The following LRRC7 variants were observed in gnomAD, a reference collection of about 807,000 sequenced individuals.
LRRC7 encodes leucine-rich repeat-containing protein 7.
A neutral mutation model predicts 175.7 loss-of-function variants in LRRC7; 23 were observed. The ratio of observed to expected loss-of-function variants is 0.13; its 90% CI spans 0.09 to 0.19. The LOEUF is 0.19. Ranked by LOEUF, LRRC7 falls within the 10% of genes least tolerant of loss-of-function variation. The pLI is 1.00. For missense variants in LRRC7, 1,354 were observed against 1,904.7 expected (o/e 0.71, Z 5.38); for synonymous variants, 685 against 680.9 (o/e 1.01, Z -0.09).
At chr1:70,090,747 G>T (rs1378933933) in intron 25 of LRRC7, among the ~76,000 whole-genome samples, 1 of 151,938 alleles carries the variant, frequency 6.6e-6, no homozygotes, top group South Asian at 2.1e-4. Context: ...GTCACAACCT[G>T]GTCCATATCC....
At chr1:70,005,633 C>G (rs976006748) in intron 11 of LRRC7, among the ~76,000 whole-genome samples, 1 of 152,158 alleles carries the variant, frequency 6.6e-6, no homozygotes, top group African/African-American at 2.4e-5. Context: ...CTAAACACAA[C>G]TATTGTAATA....
chr1:69,965,808 AAGTAGGGT>A (rs1651609148), intron 8 of LRRC7, among the ~76,000 whole-genome samples: 2 of 152,170 alleles, frequency 1.3e-5, no homozygotes, highest in Non-Finnish European at 2.9e-5. Context: ...GAGAATGTAC[AAGTAGGGT>A]TGTCATCAAA....
At chr1:69,682,323 C>T (rs1286965364) in intron 2 of LRRC7, among the ~76,000 whole-genome samples, 1 of 151,934 alleles carries the variant, frequency 6.6e-6, no homozygotes, top group Non-Finnish European at 1.5e-5. Context: ...ATTTTATTGT[C>T]CAGAAGAAAG....
At chr1:69,998,086 G>A (rs922021070) in intron 11 of LRRC7, among the ~76,000 whole-genome samples, 2 of 152,020 alleles carry the variant, frequency 1.3e-5, no homozygotes, top group African/African-American at 2.4e-5. Context: ...AATTCTTACT[G>A]TAACAAATTT....
At chr1:69,658,155 T>G (rs1253816949) in intron 1 of LRRC7, among the ~76,000 whole-genome samples, 1 of 151,934 alleles carries the variant, frequency 6.6e-6, no homozygotes, top group African/African-American at 2.4e-5. Context: ...ATGTGAATCC[T>G]ATCTTTGCTA....
intron 8 of LRRC7, among the ~76,000 whole-genome samples, chr1:69,938,062 T>G (rs556543907): frequency 6.6e-6 from 1 of 151,908 alleles, no homozygotes; most frequent in African/African-American, 2.4e-5. Flanking sequence ...AACAAAACAT[T>G]GAAATGATAG....
At chr1:70,110,210 T>C (rs1571349235) in intron 26 of LRRC7, among the ~76,000 whole-genome samples, 1 of 151,920 alleles carries the variant, frequency 6.6e-6, no homozygotes, top group Non-Finnish European at 1.5e-5. Flanking sequence ...TGAGACTTGG[T>C]CTCTACAGAA....
At chr1:69,695,623 C>A (rs1012261158) in intron 2 of LRRC7, among the ~76,000 whole-genome samples, 2 of 152,180 alleles carry the variant, frequency 1.3e-5, no homozygotes, top group Non-Finnish European at 2.9e-5. Context: ...GGCAGACCCT[C>A]CCATCATAGG....
chr1:69,865,469 C>CTGTTTTTTTT (rs1684819648), intron 7 of LRRC7, among the ~76,000 whole-genome samples: 1 of 51,262 alleles, frequency 2.0e-5, no homozygotes, highest in Non-Finnish European at 3.4e-5. Context: ...AAGACAGTTC[C>CTGTTTTTTTT]TTTTTTTTTT....
chr1:69,834,630 T>G, intron 5 of LRRC7, 150 bp from the exon 6 acceptor site: 3 of 697,434 alleles, frequency 4.3e-6, no homozygotes, highest in Non-Finnish European at 7.3e-6. Flanking sequence ...TGTAACAACA[T>G]GCTCAATAAA....
intron 25 of LRRC7, among the ~76,000 whole-genome samples, chr1:70,103,206 G>A (rs78602056): frequency 0.011 from 1,671 of 151,552 alleles, 25 homozygotes; most frequent in African/African-American, 0.039. Context: ...TCCAGCCTGG[G>A]CGACAGAATG....
At chr1:69,810,929 T>TA (rs1186491603) in intron 4 of LRRC7, among the ~76,000 whole-genome samples, 1 of 152,202 alleles carries the variant, frequency 6.6e-6, no homozygotes, top group Non-Finnish European at 1.5e-5. Flanking sequence ...AACTGGGATC[T>TA]AATTACACTG....
chr1:69,831,019 A>G lies in LRRC7; in HGVS notation c.501-3761A>G, dbSNP rs187994181. Among the ~76,000 whole-genome samples, 17 of 152,076 alleles carry G rather than the reference A, an allele frequency of 1.1e-4. No homozygotes were observed. The East Asian group carries it at 3.1e-3, about 28-fold the overall frequency. Reference sequence around the variant, plus strand: ...AAGCATTACCAAAGAAGAAGCAAAAAAGAAGTATATTTTTGATCAAAGAAG... The same window carrying G: ...AAGCATTACCAAAGAAGAAGCAAAAGAGAAGTATATTTTTGATCAAAGAAG... On this transcript the variant is annotated intron_variant, in intron 5 of 26. Transcript: ENST00000651989.
At chr1:69,756,947 C>T (rs1464396958) in intron 2 of LRRC7, among the ~76,000 whole-genome samples, 1 of 151,816 alleles carries the variant, frequency 6.6e-6, no homozygotes, top group African/African-American at 2.4e-5. Context: ...CATGGAGTAG[C>T]ACTACAATCA....
At chr1:69,982,750 C>T (rs1426225779) in intron 9 of LRRC7, among the ~76,000 whole-genome samples, 1 of 152,148 alleles carries the variant, frequency 6.6e-6, no homozygotes, top group South Asian at 2.1e-4. Flanking sequence ...CCAGTATCTT[C>T]TTTTACTTGT....
intron 8 of LRRC7, among the ~76,000 whole-genome samples, chr1:69,940,310 A>G (rs145279383): frequency 6.6e-6 from 1 of 152,252 alleles, no homozygotes; most frequent in African/African-American, 2.4e-5. Context: ...TAGCAGTAAA[A>G]TAAATCATCT....
At chr1:69,873,566 A>C in intron 7 of LRRC7, 1 of 516,356 alleles carries the variant, frequency 1.9e-6, no homozygotes, top group Non-Finnish European at 4.0e-6. Flanking sequence ...CGGGCACCAG[A>C]AATGGCAGCA....
chr1:69,878,080 G>A (rs1686205972), intron 7 of LRRC7, among the ~76,000 whole-genome samples: 1 of 152,026 alleles, frequency 6.6e-6, no homozygotes, highest in Non-Finnish European at 1.5e-5. Flanking sequence ...AACAAGTCAA[G>A]ATATTTTAAT....
At chr1:69,931,684 T>TA in intron 8 of LRRC7, 114 bp downstream of exon 8, 1 of 828,588 alleles carries the variant, frequency 1.2e-6, no homozygotes. Flanking sequence ...TTGCTAAATG[T>TA]AAAAGTAAAA....
Sources: gnomAD v4.1 joint callset for allele counts (sites outside exome capture counted in the v4.1 genomes callset) on GRCh38, gnomAD v4.1.1 for gene constraint, MANE v1.5 for transcripts, NCBI Gene and HGNC (gene_info 2026-07-23, HGNC 2026-07-21) for gene names.